The following CFAP299 variants were observed in gnomAD, a reference collection of about 807,000 sequenced individuals.
CFAP299 encodes the protein cilia- and flagella-associated protein 299.
A neutral mutation model predicts 27.0 loss-of-function variants in CFAP299; 21 were observed. The ratio of observed to expected loss-of-function variants is 0.78; its 90% confidence interval spans 0.55 to 1.12. The LOEUF (loss-of-function observed/expected upper bound fraction) is 1.12, where lower values mean the gene tolerates loss of function less well. Among genes scored for constraint, CFAP299 ranks in the 50% most tolerant of loss-of-function variants. The pLI is 0.00. For synonymous variants in CFAP299, 104 were observed against 98.1 expected (o/e 1.06, Z -0.36); for missense variants, 310 against 276.6 (o/e 1.12, Z -0.86).
intron 3 of CFAP299, among the ~76,000 whole-genome samples, chr4:80,760,806 G>GAGTCACT (rs1470748515): frequency 1.3e-5 from 2 of 152,096 alleles, no homozygotes; most frequent in African/African-American, 4.8e-5. Flanking sequence ...CCTTGCAATA[G>GAGTCACT]AGTCACTAGG....
intron 5 of CFAP299, among the ~76,000 whole-genome samples, chr4:80,950,595 A>AAAGGCATGGGAGCACG (rs1164372232): frequency 1.3e-5 from 2 of 152,152 alleles, no homozygotes; most frequent in Non-Finnish European, 2.9e-5. Context: ...AACCATGCAC[A>AAAGGCATGGGAGCACG]AAGGCATGGG....
At chr4:80,615,680 G>A (rs2109923762) in intron 3 of CFAP299, among the ~76,000 whole-genome samples, 1 of 152,098 alleles carries the variant, frequency 6.6e-6, no homozygotes, top group East Asian at 1.9e-4. Flanking sequence ...GGGATCCCAG[G>A]TGTGAACCAC....
chr4:80,915,897 A>T (rs1054720479), intron 4 of CFAP299, among the ~76,000 whole-genome samples: 2 of 151,972 alleles, frequency 1.3e-5, no homozygotes, highest in Non-Finnish European at 2.9e-5. Flanking sequence ...TCAAATATAT[A>T]TTAGGTGTTT....
At chr4:80,670,890 C>A (rs1741439588) in intron 3 of CFAP299, among the ~76,000 whole-genome samples, 2 of 152,134 alleles carry the variant, frequency 1.3e-5, no homozygotes, top group Admixed American at 1.3e-4. Flanking sequence ...TGGATATTAG[C>A]CCTTTGTCAG....
At chr4:80,949,736 G>A (rs1177329988) in intron 5 of CFAP299, among the ~76,000 whole-genome samples, 1 of 151,988 alleles carries the variant, frequency 6.6e-6, no homozygotes, top group Non-Finnish European at 1.5e-5. Context: ...CTTCTGCGTT[G>A]GATTGAAGGG....
chr4:80,786,526 G>A (rs755017457), intron 3 of CFAP299, among the ~76,000 whole-genome samples: 56 of 152,158 alleles, frequency 3.7e-4, no homozygotes, highest in Non-Finnish European at 2.5e-4. Flanking sequence ...GTCTTTCTGT[G>A]AATATTAATA....
At position 80,673,085 on chromosome 4, in the gene CFAP299, C is replaced by A. The variant is rs1485151081; in HGVS notation, c.333+89902C>A. Among the ~76,000 whole-genome samples the A allele has an allele frequency of 9.2e-5, 14 of 151,996 alleles. No homozygotes were observed. The East Asian group carries it at 2.3e-3, about 25-fold the overall frequency. ...TGTGTTTGCTCTTGCTTCTCTAGTT[C>A]TTTTAATTGTGATATTAGGGTGTCG... is the stretch of plus-strand genomic sequence containing the variant. On this transcript the variant is annotated intron_variant, in intron 3 of 5. Transcript: ENST00000358105.
chr4:80,354,369 G>A (rs1243055996), intron 1 of CFAP299, among the ~76,000 whole-genome samples: 1 of 152,162 alleles, frequency 6.6e-6, no homozygotes, highest in Admixed American at 6.6e-5. Context: ...ACAGTTAAAT[G>A]TTGAAGAAGT....
At chr4:80,384,740 CAA>C (rs1189638020) in intron 2 of CFAP299, among the ~76,000 whole-genome samples, 1 of 152,058 alleles carries the variant, frequency 6.6e-6, no homozygotes, top group Admixed American at 6.6e-5. Context: ...TTTCAGGAAA[CAA>C]AGTTGATATC....
chr4:80,514,950 A>G (rs1026724051), intron 2 of CFAP299, among the ~76,000 whole-genome samples: 1 of 152,094 alleles, frequency 6.6e-6, no homozygotes, highest in African/African-American at 2.4e-5. Flanking sequence ...AAGAGTACAA[A>G]ATATTAATGA....
intron 3 of CFAP299, among the ~76,000 whole-genome samples, chr4:80,688,722 G>C (rs1302465916): frequency 6.6e-6 from 1 of 152,154 alleles, no homozygotes; most frequent in East Asian, 1.9e-4. Flanking sequence ...AGAGAAGAAG[G>C]CTTCAGATGA....
chr4:80,349,782 A>G (rs1722930968), intron 1 of CFAP299, among the ~76,000 whole-genome samples: 1 of 152,238 alleles, frequency 6.6e-6, no homozygotes, highest in Non-Finnish European at 1.5e-5. Context: ...CGTCATACTC[A>G]GTGTTTAAAC....
At chr4:80,561,905 A>G (rs3113561) in intron 2 of CFAP299, among the ~76,000 whole-genome samples, 1 of 152,170 alleles carries the variant, frequency 6.6e-6, no homozygotes, top group Non-Finnish European at 1.5e-5. Flanking sequence ...AAATAGAAAG[A>G]CTAAACAATG....
At chr4:80,778,291 G>A (rs1413228564) in intron 3 of CFAP299, among the ~76,000 whole-genome samples, 1 of 152,094 alleles carries the variant, frequency 6.6e-6, no homozygotes, top group Non-Finnish European at 1.5e-5. Context: ...CCAACTTGGA[G>A]AAGAGCAATT....
chr4:80,743,752 G>A (rs1040868860), intron 3 of CFAP299, among the ~76,000 whole-genome samples: 3 of 152,144 alleles, frequency 2.0e-5, no homozygotes, highest in Non-Finnish European at 4.4e-5. Flanking sequence ...GTTGATAGGT[G>A]CAGTAAACCA....
At chr4:80,343,944 C>G (rs1722600755) in intron 1 of CFAP299, among the ~76,000 whole-genome samples, 1 of 151,308 alleles carries the variant, frequency 6.6e-6, no homozygotes, top group Non-Finnish European at 1.5e-5. Context: ...CTATTTGTAA[C>G]TAATGAGAAC....
intron 2 of CFAP299, among the ~76,000 whole-genome samples, chr4:80,572,507 GTTTTTTTTTTTTT>G (rs550414533): frequency 1.1e-4 from 4 of 36,380 alleles, no homozygotes; most frequent in Admixed American, 1.1e-3. Flanking sequence ...CTGGATCCCA[GTTTTTTTTTTTTT>G]TTTTTTTTTT....
At position 80,359,546 on chromosome 4, in the gene CFAP299, T is replaced by C. The variant is rs113926163; in HGVS notation, c.112-3208T>C. On this transcript the variant is annotated intron_variant, in intron 1 of 5. Coordinates refer to ENST00000358105, the MANE Select transcript of CFAP299 (RefSeq NM_152770.3). Reference sequence around the variant, plus strand: ...CCATTCTTTTCTCTCTATTCTTGTCTGACTGTCTTATTTCAGAAAGCCAGT... The same window carrying C: ...CCATTCTTTTCTCTCTATTCTTGTCCGACTGTCTTATTTCAGAAAGCCAGT... 6.0e-3 allele frequency among the ~76,000 whole-genome samples: 916 copies of C among 152,314 alleles called. 8 individuals are homozygous for C. The highest frequency in any genetic ancestry group is 0.024 in the Middle Eastern group (7 of 294).
At chr4:80,602,824 A>G (rs1737427455) in intron 3 of CFAP299, among the ~76,000 whole-genome samples, 1 of 152,022 alleles carries the variant, frequency 6.6e-6, no homozygotes, top group Non-Finnish European at 1.5e-5. Context: ...TTATAAATAC[A>G]TGAGGCATTA....
Sources: allele counts gnomAD v4.1 joint callset (sites outside exome capture counted in the v4.1 genomes callset), GRCh38; gene constraint gnomAD v4.1.1; transcripts MANE v1.5; gene names NCBI Gene and HGNC (gene_info 2026-07-23, HGNC 2026-07-21).